The following TAFA5 variants were observed in gnomAD, a reference collection of about 807,000 sequenced individuals.
TAFA5 encodes the protein chemokine-like protein TAFA-5.
A neutral mutation model predicts 15.3 loss-of-function variants in TAFA5; 6 were observed. The ratio of observed to expected loss-of-function variants is 0.39; its 90% CI spans 0.21 to 0.77. The LOEUF is 0.77. Among genes scored for constraint, TAFA5 ranks in the 30% least tolerant of loss-of-function variants. The probability of loss-of-function intolerance (pLI) is 0.41; values close to 1 mark genes in which losing one functional copy is unlikely to be tolerated. For synonymous variants in TAFA5, 103 were observed against 80.7 expected (o/e 1.28, Z -1.48); for missense variants, 161 against 193.1 (o/e 0.83, Z 0.98).
In TAFA5 at chr22:48,560,809, C is replaced by T. The variant is rs1329425501; in HGVS notation, c.112+71105C>T. On this transcript the variant is annotated intron_variant, in intron 1 of 3. Coordinates refer to ENST00000402357, the MANE Select transcript of TAFA5 (RefSeq NM_001082967.3). The surrounding 1 kb of genome is among the most constrained non-coding windows in gnomAD (Gnocchi z 4.2). ...GTTTTTAGTAGAGATGGGGTTTCAC[C>T]GTGTTGGCCAGACTGGTCTTGAACT... Among the ~76,000 whole-genome samples, 1 of 151,968 alleles carries T rather than the reference C, an allele frequency of 6.6e-6. No individual in the cohort carries two copies. The highest frequency in any genetic ancestry group is 2.4e-5 in the African/African-American group (1 of 41,352).
chr22:48,637,424 C>T (rs1335222685), intron 1 of TAFA5, among the ~76,000 whole-genome samples: 3 of 152,202 alleles, frequency 2.0e-5, no homozygotes, highest in East Asian at 3.9e-4. Flanking sequence ...AACGCCTCCT[C>T]GCCTGTCTGC....
intron 3 of TAFA5, among the ~76,000 whole-genome samples, chr22:48,734,348 T>C (rs888206258): frequency 3.3e-5 from 5 of 152,316 alleles, no homozygotes; most frequent in Admixed American, 6.5e-5. Flanking sequence ...AATCTTTACA[T>C]TTAGTAAGAT....
intron 1 of TAFA5, among the ~76,000 whole-genome samples, chr22:48,640,189 G>T (rs1439482593): frequency 6.6e-6 from 1 of 152,208 alleles, no homozygotes; most frequent in East Asian, 1.9e-4. Flanking sequence ...CTCAGTTCCT[G>T]TCCTGGGACG....
At chr22:48,500,228 C>A (rs1237574470) in intron 1 of TAFA5, among the ~76,000 whole-genome samples, 1 of 152,146 alleles carries the variant, frequency 6.6e-6, no homozygotes, top group Non-Finnish European at 1.5e-5. Context: ...GACTCCAAGG[C>A]CCCATAATGC....
At chr22:48,634,345 T>G (rs28592288) in intron 1 of TAFA5, among the ~76,000 whole-genome samples, 1 of 151,998 alleles carries the variant, frequency 6.6e-6, no homozygotes, top group Non-Finnish European at 1.5e-5. Flanking sequence ...CATTCACTCA[T>G]TCACCCACTC....
At chr22:48,691,145 C>T (rs1318298118) in intron 2 of TAFA5, among the ~76,000 whole-genome samples, 1 of 152,138 alleles carries the variant, frequency 6.6e-6, no homozygotes, top group Non-Finnish European at 1.5e-5. Flanking sequence ...AGCCTCAGGG[C>T]GGCCCGGGGA....
At chr22:48,554,818 C>T (rs183654664) in intron 1 of TAFA5, among the ~76,000 whole-genome samples, 7 of 152,342 alleles carry the variant, frequency 4.6e-5, no homozygotes, top group Admixed American at 1.3e-4. Flanking sequence ...ATGTGGGTCT[C>T]TCTTTCCCCG....
chr22:48,642,593 C>G (rs1926722443), intron 1 of TAFA5, among the ~76,000 whole-genome samples: 1 of 152,172 alleles, frequency 6.6e-6, no homozygotes, highest in Non-Finnish European at 1.5e-5. Context: ...GGACCCCTCC[C>G]CAAAGGCCTC....
chr22:48,575,678 G>C (rs1020822144), intron 1 of TAFA5, among the ~76,000 whole-genome samples: 1 of 146,164 alleles, frequency 6.8e-6, no homozygotes, highest in Non-Finnish European at 1.5e-5. Flanking sequence ...ACCTAGTCCC[G>C]GCCGCGGCGG....
intron 1 of TAFA5, among the ~76,000 whole-genome samples, chr22:48,633,023 G>T (rs970781157): frequency 1.3e-5 from 2 of 152,198 alleles, no homozygotes; most frequent in African/African-American, 4.8e-5. Flanking sequence ...CGCCCTGTGG[G>T]ACAGGAGTTT....
chr22:48,507,113 T>C (rs200051106), intron 1 of TAFA5, among the ~76,000 whole-genome samples: 53,031 of 142,218 alleles, frequency 0.37, 12,326 homozygotes, highest in African/African-American at 0.68. Flanking sequence ...GAGAAGGAGG[T>C]GGCCGCCAAG....
intron 1 of TAFA5, among the ~76,000 whole-genome samples, chr22:48,498,799 C>T (rs958036052): frequency 1.3e-5 from 2 of 152,202 alleles, no homozygotes; most frequent in Non-Finnish European, 1.5e-5. Flanking sequence ...CTGGGACAAT[C>T]AGCCCACTGG....
intron 2 of TAFA5, among the ~76,000 whole-genome samples, chr22:48,652,667 A>G (rs1400427113): frequency 2.6e-5 from 4 of 152,182 alleles, no homozygotes; most frequent in African/African-American, 9.7e-5. Flanking sequence ...CCAGACCCCC[A>G]CGTGGAGCAC....
intron 1 of TAFA5, among the ~76,000 whole-genome samples, chr22:48,542,672 G>GGTGTGTGT (rs1922496219): frequency 8.3e-5 from 11 of 132,580 alleles, no homozygotes; most frequent in Non-Finnish European, 1.6e-4. Flanking sequence ...GTGTGTGTGT[G>GGTGTGTGT]ATGTTTGTGT....
At chr22:48,697,973 C>T (rs1928773038) in intron 2 of TAFA5, among the ~76,000 whole-genome samples, 1 of 144,916 alleles carries the variant, frequency 6.9e-6, no homozygotes, top group African/African-American at 2.6e-5. Context: ...GATGATGGTC[C>T]TGTTGATAGG....
intron 1 of TAFA5, among the ~76,000 whole-genome samples, chr22:48,593,725 G>A (rs529327167): frequency 1.3e-5 from 2 of 152,304 alleles, no homozygotes; most frequent in East Asian, 3.9e-4. Flanking sequence ...CCCCAAGGAA[G>A]GCCAGCTGGG....
At chr22:48,633,467 T>C (rs1926306487) in intron 1 of TAFA5, among the ~76,000 whole-genome samples, 1 of 152,028 alleles carries the variant, frequency 6.6e-6, no homozygotes, top group South Asian at 2.1e-4. Flanking sequence ...CCCACCTCCC[T>C]CTCTCTCGAG....
At chr22:48,576,277 C>G in intron 1 of TAFA5, 1 of 879,932 alleles carries the variant, frequency 1.1e-6, no homozygotes, top group Middle Eastern at 4.4e-4. Flanking sequence ...GCCCCCCTCC[C>G]CCCGCCCGCT....
At chr22:48,747,340 G>A (rs1930357717) in intron 3 of TAFA5, among the ~76,000 whole-genome samples, 1 of 152,212 alleles carries the variant, frequency 6.6e-6, no homozygotes. Context: ...TGGCCTTGGG[G>A]TGCAGGAAGC....
Sources: allele counts gnomAD v4.1 joint callset (sites outside exome capture counted in the v4.1 genomes callset), GRCh38; gene constraint gnomAD v4.1.1; non-coding constraint Gnocchi (gnomAD v3.1); transcripts MANE v1.5; gene names NCBI Gene and HGNC (gene_info 2026-07-23, HGNC 2026-07-21).